Variants in CAMTA1 observed in about 807,000 individuals in gnomAD.
CAMTA1 encodes calmodulin-binding transcription activator 1.
A neutral mutation model predicts 170.9 loss-of-function variants in CAMTA1; 27 were observed. The observed-to-expected ratio is 0.16, with a 90% CI of 0.12 to 0.22. The LOEUF is 0.22. Ranked by LOEUF, CAMTA1 falls within the 10% of genes least tolerant of loss-of-function variation. The probability of loss-of-function intolerance (pLI) is 1.00; values close to 1 mark genes in which losing one functional copy is unlikely to be tolerated. For synonymous variants in CAMTA1, 833 were observed against 891.5 expected, an observed-to-expected ratio of 0.93 and a Z score of 1.17; for missense variants, 1,619 against 2,217.2, an observed-to-expected ratio of 0.73 and a Z score of 5.42.
chr1:7,091,381 C>T lies in CAMTA1; in HGVS notation c.302+10C>T, dbSNP rs770522792. ...CCTCCCCTAAGACAAGGTAATGTCC[C>T]AGATCTTGCAGTTTTTCAAATGTGT... On this transcript the variant is annotated intron_variant, in intron 4 of 22. Coordinates refer to ENST00000303635, the MANE Select transcript of CAMTA1 (RefSeq NM_015215.4). 1 of 1,601,886 alleles carries T rather than the reference C, an allele frequency of 6.2e-7. No homozygotes were observed. Among genetic ancestry groups the T allele is most frequent in the Non-Finnish European group, 8.6e-7 (1 of 1,168,918 alleles).
intron 4 of CAMTA1, among the ~76,000 whole-genome samples, chr1:7,096,169 G>A (rs1051765325): frequency 6.6e-6 from 1 of 152,110 alleles, no homozygotes; most frequent in African/African-American, 2.4e-5. Context: ...TAGAAGGAGG[G>A]GGTCTAGAAG....
intron 6 of CAMTA1, among the ~76,000 whole-genome samples, chr1:7,506,457 ACT>A (rs762249836): frequency 1.4e-4 from 20 of 141,626 alleles, no homozygotes; most frequent in East Asian, 6.2e-4. Flanking sequence ...CAAAATTCAC[ACT>A]CTCATACTAA....
chr1:7,603,215 T>C (rs1362187923), intron 6 of CAMTA1, among the ~76,000 whole-genome samples: 1 of 152,248 alleles, frequency 6.6e-6, no homozygotes, highest in African/African-American at 2.4e-5. Flanking sequence ...GGTGCAGAGC[T>C]GAGTTCAGTT....
intron 3 of CAMTA1, among the ~76,000 whole-genome samples, chr1:6,988,424 C>T (rs778385125): frequency 1.3e-5 from 2 of 152,140 alleles, no homozygotes; most frequent in African/African-American, 4.8e-5. Flanking sequence ...AATTAACAAT[C>T]TGACTTATAT....
At chr1:7,663,319 TGTGCGTGCGC>T in intron 8 of CAMTA1, 24 bp from the exon 9 acceptor site, 1 of 1,514,944 alleles carries the variant, frequency 6.6e-7, no homozygotes, top group Non-Finnish European at 8.8e-7. Context: ...TGTGCCTGCG[TGTGCGTGCGC>T]GTGTTGTGTT....
intron 6 of CAMTA1, among the ~76,000 whole-genome samples, chr1:7,540,063 G>A (rs965856655): frequency 5.9e-5 from 9 of 152,140 alleles, no homozygotes. Flanking sequence ...TCTGAACCCT[G>A]TACACACCCA....
In CAMTA1 at chr1:7,585,109, A is replaced by G. The variant is rs749675684; in HGVS notation, c.511-55291A>G. ...ACACAAAGAGGGATGAACTGAGACT[A>G]TAAGTAGCCTCACATCAGTTCAGGT... is the stretch of plus-strand genomic sequence containing the variant. On this transcript the variant is annotated intron_variant, in intron 6 of 22. Coordinates refer to ENST00000303635, the MANE Select transcript of CAMTA1 (RefSeq NM_015215.4). The surrounding 1 kb of genome is among the most constrained non-coding windows in gnomAD (Gnocchi z 4.8). 2.0e-5 allele frequency among the ~76,000 whole-genome samples: 3 copies of G among 152,234 alleles called. No individual in the cohort carries two copies. Among genetic ancestry groups the G allele is most frequent in the Admixed American group, 6.5e-5 (1 of 15,284 alleles).
Position 7,146,938 on chromosome 1 carries a change from C to T in CAMTA1, c.302+55567C>T. ...CACACACTCAAATATACACCATGTT[C>T]ACACACATCACACATTCAAACATAT... On this transcript the variant is annotated intron_variant, in intron 4 of 22. Transcript: ENST00000303635. This position sits in a 1 kb window ranked among gnomAD's most constrained non-coding sequence, Gnocchi z 4.3. 6.6e-6 allele frequency among the ~76,000 whole-genome samples: 1 copy of T among 151,750 alleles called. No homozygotes were observed. The highest frequency in any genetic ancestry group is 1.9e-4 in the East Asian group (1 of 5,166).
At chr1:6,987,016 T>A (rs1695470272) in intron 3 of CAMTA1, among the ~76,000 whole-genome samples, 1 of 151,390 alleles carries the variant, frequency 6.6e-6, no homozygotes, top group Admixed American at 6.6e-5. Flanking sequence ...CCACTTCCCA[T>A]GCTCATTTGT....
Position 7,681,690 on chromosome 1 carries a change from A to T in CAMTA1, c.2914+3957A>T, listed in dbSNP as rs1330457094. ...GGGAAATGTCACTTATACCTGTGAT[A>T]GGTCCTATGGATACAACAGCCAGGG... On this transcript the variant is annotated intron_variant, in intron 11 of 22. Transcript: ENST00000303635. The surrounding 1 kb of genome is among the most constrained non-coding windows in gnomAD (Gnocchi z 4.6). Among the ~76,000 whole-genome samples, 6 of 152,236 alleles carry T rather than the reference A, an allele frequency of 3.9e-5. No homozygotes were observed. The highest frequency in any genetic ancestry group is 7.3e-5 in the Non-Finnish European group (5 of 68,040).
intron 4 of CAMTA1, chr1:7,142,175 C>T (rs1399297321): frequency 1.2e-5 from 6 of 517,794 alleles, no homozygotes; most frequent in Non-Finnish European, 2.3e-5. Flanking sequence ...CAGCACCCTC[C>T]CAGGCTGTGG....
chr1:7,606,718 G>C (rs767477421), intron 6 of CAMTA1, among the ~76,000 whole-genome samples: 4 of 152,208 alleles, frequency 2.6e-5, no homozygotes, highest in Non-Finnish European at 5.9e-5. Flanking sequence ...GGAACATGGA[G>C]GATGGTTCCC....
At chr1:7,571,201 T>A (rs1027360999) in intron 6 of CAMTA1, among the ~76,000 whole-genome samples, 1 of 152,256 alleles carries the variant, frequency 6.6e-6, no homozygotes. Context: ...ACTTAGTGTC[T>A]GCTGAGGGCT....
chr1:7,417,769 G>A (rs2091289094), intron 5 of CAMTA1, among the ~76,000 whole-genome samples: 1 of 152,158 alleles, frequency 6.6e-6, no homozygotes, highest in Non-Finnish European at 1.5e-5. Context: ...CACACAGTGT[G>A]CCGCACCCAC....
Position 7,570,160 on chromosome 1 carries a change from G to T in CAMTA1, c.511-70240G>T, listed in dbSNP as rs1380766906. Among the ~76,000 whole-genome samples, 1 of 151,744 alleles carries T rather than the reference G, an allele frequency of 6.6e-6. No homozygotes were observed. The highest frequency in any genetic ancestry group is 1.5e-5 in the Non-Finnish European group (1 of 67,936). On this transcript the variant is annotated intron_variant, in intron 6 of 22. Transcript: ENST00000303635. This position sits in a 1 kb window ranked among gnomAD's most constrained non-coding sequence, Gnocchi z 4.3. The stretch of plus-strand genomic sequence containing the variant: ...GGGATCCCTTGCTGGGCACTGGGGG[G>T]ATCCAAAACTCCCTGCAGGACTGGT...
At chr1:6,905,200 T>TG (rs1033029687) in intron 3 of CAMTA1, among the ~76,000 whole-genome samples, 1 of 149,582 alleles carries the variant, frequency 6.7e-6, no homozygotes, top group African/African-American at 2.5e-5. Flanking sequence ...TTTTTTTTTT[T>TG]TTTTTTTTTT....
chr1:7,275,491 G>T (rs1203672741), intron 5 of CAMTA1, among the ~76,000 whole-genome samples: 1 of 151,912 alleles, frequency 6.6e-6, no homozygotes, highest in East Asian at 1.9e-4. Context: ...TCTCTTCAAA[G>T]ATCAATAAGT....
chr1:7,450,238 G>T (rs1474752173), intron 5 of CAMTA1, among the ~76,000 whole-genome samples: 1 of 152,202 alleles, frequency 6.6e-6, no homozygotes, highest in Non-Finnish European at 1.5e-5. Context: ...CTCCTTGAAG[G>T]TTGTTGTAAG....
At chr1:7,202,929 A>G (rs950531550) in intron 4 of CAMTA1, among the ~76,000 whole-genome samples, 12 of 152,196 alleles carry the variant, frequency 7.9e-5, no homozygotes, top group African/African-American at 2.9e-4. Context: ...TAGGAGTAAA[A>G]GTAGACATTC....
Sources: allele counts gnomAD v4.1 joint callset (sites outside exome capture counted in the v4.1 genomes callset), GRCh38; gene constraint gnomAD v4.1.1; non-coding constraint Gnocchi (gnomAD v3.1); transcripts MANE v1.5; gene names NCBI Gene and HGNC (gene_info 2026-07-23, HGNC 2026-07-21).